Variants in ADGRB3 observed in about 807,000 individuals in gnomAD.
ADGRB3 encodes brain-specific angiogenesis inhibitor 3.
Under a neutral mutation model 193.4 loss-of-function variants are expected in ADGRB3, and 37 were observed. The ratio of observed to expected loss-of-function variants is 0.19; its 90% CI spans 0.15 to 0.25. ADGRB3 has a LOEUF of 0.25. ADGRB3 is among the 10% of genes least tolerant of loss of function. The pLI, the probability that ADGRB3 is intolerant of heterozygous loss-of-function variation, is 1.00. For synonymous variants in ADGRB3, 690 were observed against 644.2 expected (o/e 1.07, Z -1.08); for missense variants, 1,637 against 1,852.9 (o/e 0.88, Z 2.14).
chr6:69,146,606 C>T (rs1289985782), intron 17 of ADGRB3, among the ~76,000 whole-genome samples: 1 of 152,254 alleles, frequency 6.6e-6, no homozygotes, highest in Non-Finnish European at 1.5e-5. Flanking sequence ...GGCAGGACTT[C>T]CACCTGTTCC....
chr6:69,348,678 G>A (rs1257514650), intron 26 of ADGRB3, among the ~76,000 whole-genome samples: 1 of 151,490 alleles, frequency 6.6e-6, no homozygotes, highest in African/African-American at 2.4e-5. Context: ...AAAAGAAGAA[G>A]AGTAGGTGGA....
At chr6:68,834,896 G>C (rs1768017732) in intron 3 of ADGRB3, among the ~76,000 whole-genome samples, 1 of 151,636 alleles carries the variant, frequency 6.6e-6, no homozygotes, top group Non-Finnish European at 1.5e-5. Flanking sequence ...TTTAAGTTTC[G>C]GTCAAATTGA....
chr6:68,867,727 T>G (rs1261119280), intron 3 of ADGRB3, among the ~76,000 whole-genome samples: 1 of 152,192 alleles, frequency 6.6e-6, no homozygotes, highest in Non-Finnish European at 1.5e-5. Context: ...GAGGCCAATC[T>G]TTGTATCCGC....
At chr6:68,786,493 G>T (rs1427002980) in intron 3 of ADGRB3, among the ~76,000 whole-genome samples, 1 of 152,088 alleles carries the variant, frequency 6.6e-6, no homozygotes, top group Admixed American at 6.6e-5. Flanking sequence ...TGAGGGCTCT[G>T]TTCTGTTCCA....
intron 17 of ADGRB3, among the ~76,000 whole-genome samples, chr6:69,180,228 C>T (rs908948848): frequency 2.6e-5 from 4 of 152,202 alleles, no homozygotes; most frequent in African/African-American, 9.6e-5. Flanking sequence ...GTCCCTTCTA[C>T]ATTAGGATCC....
chr6:68,961,166 T>C (rs768389572), intron 8 of ADGRB3, among the ~76,000 whole-genome samples: 12 of 152,186 alleles, frequency 7.9e-5, no homozygotes, highest in Non-Finnish European at 1.8e-4. Flanking sequence ...AGCAGTCATT[T>C]AAAGAAAAAT....
At chr6:69,097,073 T>C (rs915048121) in intron 17 of ADGRB3, among the ~76,000 whole-genome samples, 2 of 152,242 alleles carry the variant, frequency 1.3e-5, no homozygotes, top group Admixed American at 6.5e-5. Flanking sequence ...GATTTCACTT[T>C]AAAAGCTGTA....
At chr6:68,800,012 T>C (rs903662538) in intron 3 of ADGRB3, among the ~76,000 whole-genome samples, 6 of 152,134 alleles carry the variant, frequency 3.9e-5, no homozygotes, top group African/African-American at 9.7e-5. Context: ...ATTTATGTTT[T>C]TAAAAGATCA....
chr6:68,723,167 C>T (rs1278712024), intron 3 of ADGRB3, among the ~76,000 whole-genome samples: 1 of 151,832 alleles, frequency 6.6e-6, no homozygotes, highest in East Asian at 1.9e-4. Context: ...TTTATGAAAA[C>T]ATAATATGAA....
At chr6:68,887,406 A>C (rs1765940711) in intron 3 of ADGRB3, among the ~76,000 whole-genome samples, 1 of 151,972 alleles carries the variant, frequency 6.6e-6, no homozygotes, top group Non-Finnish European at 1.5e-5. Flanking sequence ...TTGGTTTTTT[A>C]TGTTTTTACT....
Position 69,031,050 on chromosome 6 carries a change from TC to T in ADGRB3, c.2107+12552del, listed in dbSNP as rs55744235. Among the ~76,000 whole-genome samples the T allele has an allele frequency of 3.4e-3, 74 of 22,068 alleles. 8 individuals are homozygous for T. The highest frequency in any genetic ancestry group is 6.6e-3 in the Admixed American group (16 of 2,412). 14.5% of individuals were successfully genotyped at this position (22,068 alleles called of 152,430 possible). A position where few individuals can be genotyped will look rare whatever the true frequency, so the allele number is the denominator to read the frequency against. On this transcript the variant is annotated intron_variant, in intron 13 of 31. Coordinates refer to ENST00000370598, the MANE Select transcript of ADGRB3 (RefSeq NM_001704.3). ...TCCTCTTCTCTTCTCTCTTCTCTTC[TC>T]TTCTCTTCTCTTCTCTTCTCTTCTC... is the stretch of plus-strand genomic sequence containing the variant.
At chr6:69,084,084 T>C (rs758731051) in intron 17 of ADGRB3, among the ~76,000 whole-genome samples, 13 of 152,136 alleles carry the variant, frequency 8.5e-5, no homozygotes, top group Non-Finnish European at 1.3e-4. Context: ...CTTAATTAAC[T>C]GTTACTTTTG....
intron 17 of ADGRB3, among the ~76,000 whole-genome samples, chr6:69,169,941 A>G (rs929711481): frequency 2.0e-5 from 3 of 152,146 alleles, no homozygotes; most frequent in African/African-American, 7.2e-5. Context: ...AGTCAGCTAG[A>G]AGGCTCTCTG....
At chr6:68,893,389 C>T (rs1246463816) in intron 3 of ADGRB3, among the ~76,000 whole-genome samples, 1 of 151,668 alleles carries the variant, frequency 6.6e-6, no homozygotes, top group Non-Finnish European at 1.5e-5. Flanking sequence ...AAATAAAAGA[C>T]CTTGTCTGAG....
intron 13 of ADGRB3, among the ~76,000 whole-genome samples, chr6:69,041,319 G>T (rs1562133849): frequency 6.6e-6 from 1 of 150,594 alleles, no homozygotes; most frequent in African/African-American, 2.5e-5. Context: ...TAGACATAAA[G>T]ATTGTGCTAG....
intron 17 of ADGRB3, among the ~76,000 whole-genome samples, chr6:69,117,961 C>T (rs1471723508): frequency 6.6e-6 from 1 of 152,126 alleles, no homozygotes; most frequent in Non-Finnish European, 1.5e-5. Context: ...TTTTTCTCCC[C>T]TGTTTTTCTG....
intron 17 of ADGRB3, among the ~76,000 whole-genome samples, chr6:69,215,154 A>G (rs910343430): frequency 1.3e-5 from 2 of 152,182 alleles, no homozygotes; most frequent in Non-Finnish European, 2.9e-5. Context: ...AGAACCCTGC[A>G]GTAGATGCAG....
rs562726196 is a variant in ADGRB3 at position 68,898,445 on chromosome 6, G to A, written c.758-32114G>A. On this transcript the variant is annotated intron_variant, in intron 3 of 31. Coordinates refer to ENST00000370598, the MANE Select transcript of ADGRB3 (RefSeq NM_001704.3). ...CCTCACAGACACACCCAGAAATAAT[G>A]TTTCGCCAACTATCTGAGTTTTCCT... is the stretch of plus-strand genomic sequence containing the variant. Among the ~76,000 whole-genome samples the A allele has an allele frequency of 2.6e-5, 4 of 152,192 alleles. No individual in the cohort carries two copies. In the East Asian group the frequency reaches 7.7e-4, roughly 29 times the overall value.
At position 69,054,217 on chromosome 6, in the gene ADGRB3, T is replaced by A. The variant is rs1216729893; in HGVS notation, c.2333+4871T>A. 2.0e-5 allele frequency among the ~76,000 whole-genome samples: 3 copies of A among 152,110 alleles called. No individual in the cohort carries two copies. In the East Asian group the frequency reaches 5.8e-4, roughly 29 times the overall value. On this transcript the variant is annotated intron_variant, in intron 15 of 31. Transcript: ENST00000370598. ...AATTATTTTTAAAGAAAGGAACAAA[T>A]TTCAATAATGCAAAAATCAAATGAA... is the stretch of plus-strand genomic sequence containing the variant.
Sources: allele counts gnomAD v4.1 joint callset (sites outside exome capture counted in the v4.1 genomes callset), GRCh38; gene constraint gnomAD v4.1.1; transcripts MANE v1.5; gene names NCBI Gene and HGNC (gene_info 2026-07-23, HGNC 2026-07-21).